CTNND2: variants seen among roughly 807,000 people sequenced by gnomAD.
CTNND2 encodes the protein catenin delta 2.
Under a neutral mutation model 144.4 loss-of-function variants are expected in CTNND2, and 22 were observed. That is an observed-to-expected ratio of 0.15 (90% CI 0.11 to 0.22). The LOEUF (loss-of-function observed/expected upper bound fraction) is 0.22. Ranked by LOEUF, CTNND2 falls within the 10% of genes least tolerant of loss-of-function variation. The pLI, the probability that CTNND2 is intolerant of heterozygous loss-of-function variation, is 1.00. For synonymous variants in CTNND2, 751 were observed against 695.6 expected (o/e 1.08, Z -1.25); for missense variants, 1,353 against 1,618.8 (o/e 0.84, Z 2.82).
chr5:11,742,352 G>C (rs1301371660), intron 1 of CTNND2, among the ~76,000 whole-genome samples: 1 of 151,978 alleles, frequency 6.6e-6, no homozygotes, highest in Non-Finnish European at 1.5e-5. Flanking sequence ...TTTACCTTCA[G>C]CAACAGACTT....
intron 20 of CTNND2, among the ~76,000 whole-genome samples, chr5:10,986,920 T>TGCCAGTC (rs1738040225): frequency 6.6e-6 from 1 of 152,234 alleles, no homozygotes; most frequent in South Asian, 2.1e-4. Flanking sequence ...TCTGCTTCCC[T>TGCCAGTC]GCCAGTCTAC....
intron 1 of CTNND2, among the ~76,000 whole-genome samples, chr5:11,868,004 G>C (rs1426127289): frequency 6.6e-6 from 1 of 151,744 alleles, no homozygotes; most frequent in East Asian, 1.9e-4. Context: ...TGTCAACCAA[G>C]ATAAACCCCT....
Position 11,450,681 on chromosome 5 carries a change from C to T in CTNND2, c.288-38612G>A, listed in dbSNP as rs141914729. On this transcript the variant is annotated intron_variant, in intron 3 of 21. Transcript: ENST00000304623. ...TTGGGAGGCCGAGGCGGGTGGATCA[C>T]GAGGTCAGGAGATCGAGACCATCCT... 3.6e-3 allele frequency among the ~76,000 whole-genome samples: 553 copies of T among 152,120 alleles called. 7 individuals carry two copies. The highest frequency in any genetic ancestry group is 0.022 in the East Asian group (112 of 5,158).
At chr5:11,241,940 G>A (rs1742497998) in intron 9 of CTNND2, among the ~76,000 whole-genome samples, 1 of 151,500 alleles carries the variant, frequency 6.6e-6, no homozygotes, top group Non-Finnish European at 1.5e-5. Flanking sequence ...TGGGGGGTCG[G>A]TTATTTGGGA....
At chr5:11,327,192 A>G (rs2642716) in intron 9 of CTNND2, among the ~76,000 whole-genome samples, 10,350 of 152,164 alleles carry the variant, frequency 0.068, 1,209 homozygotes, top group African/African-American at 0.24. Flanking sequence ...GTCAAGGGCC[A>G]GTGGGAAAGG....
rs944529860 is a variant in CTNND2 at position 11,687,335 on chromosome 5, T to C, written c.174+44801A>G. On this transcript the variant is annotated intron_variant, in intron 2 of 21. Transcript: ENST00000304623. ...ATCATTGGCCTCCTGCCCACCTCAC[T>C]GGCCTCAATTCCTTGCACTGCCTCC... 2.0e-5 allele frequency among the ~76,000 whole-genome samples: 3 copies of C among 152,238 alleles called. 1 individual carries two copies. The highest frequency in any genetic ancestry group is 4.1e-4 in the South Asian group (2 of 4,836).
chr5:11,766,034 T>C (rs1789568589), intron 1 of CTNND2, among the ~76,000 whole-genome samples: 2 of 152,320 alleles, frequency 1.3e-5, no homozygotes, highest in Admixed American at 6.5e-5. Flanking sequence ...GGAAATCTCA[T>C]GACATATATA....
intron 1 of CTNND2, among the ~76,000 whole-genome samples, chr5:11,775,125 G>C (rs1291139158): frequency 1.3e-5 from 2 of 152,106 alleles, no homozygotes; most frequent in Non-Finnish European, 2.9e-5. Context: ...GAAAAGTGCG[G>C]TTTTTACCAC....
At chr5:11,468,384 T>C (rs530875629) in intron 3 of CTNND2, among the ~76,000 whole-genome samples, 1 of 152,332 alleles carries the variant, frequency 6.6e-6, no homozygotes, top group East Asian at 1.9e-4. Flanking sequence ...TTTAGGACAC[T>C]TTTGGTTTTA....
intron 11 of CTNND2, among the ~76,000 whole-genome samples, chr5:11,169,628 A>G (rs1197756851): frequency 6.6e-6 from 1 of 152,208 alleles, no homozygotes. Flanking sequence ...GTGAGCATGC[A>G]TATATAACCT....
intron 18 of CTNND2, among the ~76,000 whole-genome samples, chr5:11,011,047 G>A (rs917867088): frequency 6.6e-6 from 1 of 152,158 alleles, no homozygotes; most frequent in Non-Finnish European, 1.5e-5. Flanking sequence ...CATTGTGTGT[G>A]GGGTGGAGTG....
chr5:11,106,839 G>T (rs950787226), intron 14 of CTNND2, among the ~76,000 whole-genome samples: 40 of 151,296 alleles, frequency 2.6e-4, no homozygotes, highest in African/African-American at 9.2e-4. Context: ...TAGGCCACAG[G>T]GATGTAACAG....
intron 9 of CTNND2, among the ~76,000 whole-genome samples, chr5:11,276,302 T>C (rs1415686697): frequency 6.6e-6 from 1 of 151,944 alleles, no homozygotes; most frequent in Non-Finnish European, 1.5e-5. Flanking sequence ...AGGAGGGAAA[T>C]AGATGAAGAT....
At chr5:11,612,670 T>A (rs1338646832) in intron 2 of CTNND2, among the ~76,000 whole-genome samples, 2 of 151,974 alleles carry the variant, frequency 1.3e-5, no homozygotes, top group African/African-American at 2.4e-5. Flanking sequence ...AGGGCCAAGG[T>A]GGGAGGATTG....
chr5:10,972,719 CACAA>C lies in CTNND2; in HGVS notation c.*730_*733del, dbSNP rs1319780575. 5 of 151,960 alleles carry C rather than the reference CACAA, an allele frequency of 3.3e-5. No individual in the cohort carries two copies. The highest frequency in any genetic ancestry group is 9.7e-5 in the African/African-American group (4 of 41,248). The allele number at this position is 151,960 out of a possible 1,614,324, so 9.4% of individuals were successfully genotyped here. On this transcript the variant is annotated 3_prime_UTR_variant, in exon 22 of 22. Coordinates refer to ENST00000304623, the MANE Select transcript of CTNND2 (RefSeq NM_001332.4). Reference sequence around the variant, plus strand: ...ACTGCTGAATGCCTTGTTTAGTTGTCACAAACAAATTCACATATCAGAACGAACA... The same window carrying C: ...ACTGCTGAATGCCTTGTTTAGTTGTCACAAATTCACATATCAGAACGAACA...
At position 11,397,108 on chromosome 5, in the gene CTNND2, C is replaced by A. The variant is rs1473741771; in HGVS notation, c.535G>T (p.Ala179Ser). 6.2e-7 allele frequency: 1 copy of A among 1,614,148 alleles called. No homozygotes were observed. Among genetic ancestry groups the A allele is most frequent in the Non-Finnish European group, 8.5e-7 (1 of 1,180,036 alleles). Residue 179 changes from alanine to serine, a missense_variant, in exon 6 of 22, where the codon GCC (alanine) becomes TCC (serine). Ala to Ser is a moderately conservative substitution (Grantham distance 99). Transcript: ENST00000304623. Reference protein sequence around the residue: ...PASYHSNQTLALGETTPSQLP... With the variant: ...PASYHSNQTLSLGETTPSQLP... Reference sequence around the variant, plus strand: ...TGTGAAGGGGTGGTTTCCCCCAGGGCCAGGGTCTGGTTGCTATGGTAGCTG... The same window carrying A: ...TGTGAAGGGGTGGTTTCCCCCAGGGACAGGGTCTGGTTGCTATGGTAGCTG...
At chr5:11,370,099 T>C (rs1374659875) in intron 7 of CTNND2, among the ~76,000 whole-genome samples, 1 of 152,002 alleles carries the variant, frequency 6.6e-6, no homozygotes, top group Non-Finnish European at 1.5e-5. Flanking sequence ...ATTAGAAGGA[T>C]TTGCAGCATT....
In CTNND2 at chr5:11,827,135, CA is replaced by C. The variant is rs201087670; in HGVS notation, c.37+76681del. On this transcript the variant is annotated intron_variant, in intron 1 of 21. Coordinates refer to ENST00000304623, the MANE Select transcript of CTNND2 (RefSeq NM_001332.4). ...AATCCAACAAAACATTCCCTCTAAA[CA>C]AAATGAAATTAAGTTTGCAACTTAC... Among the ~76,000 whole-genome samples, 1,171 of 152,150 alleles carry C rather than the reference CA, an allele frequency of 7.7e-3. 12 individuals carry two copies. Among genetic ancestry groups the C allele is most frequent in the African/African-American group, 0.026 (1,094 of 41,534 alleles).
At chr5:11,531,787 T>G (rs975824688) in intron 3 of CTNND2, among the ~76,000 whole-genome samples, 3 of 152,200 alleles carry the variant, frequency 2.0e-5, no homozygotes, top group Admixed American at 2.0e-4. Flanking sequence ...CAGCCTTCCT[T>G]TCTATGAATA....
Sources: allele counts gnomAD v4.1 joint callset (sites outside exome capture counted in the v4.1 genomes callset), GRCh38; gene constraint gnomAD v4.1.1; transcripts MANE v1.5; gene names NCBI Gene and HGNC (gene_info 2026-07-23, HGNC 2026-07-21).